OPCML: variants seen among roughly 807,000 people sequenced by gnomAD.
OPCML encodes opioid-binding protein/cell adhesion molecule.
Under a neutral mutation model 37.8 loss-of-function variants are expected in OPCML, and 13 were observed. That is an observed-to-expected ratio of 0.34 (90% CI 0.22 to 0.55). The LOEUF (loss-of-function observed/expected upper bound fraction) is 0.55. OPCML is among the 20% of genes least tolerant of loss of function. OPCML has a pLI of 0.91. For missense variants in OPCML, 341 were observed against 435.6 expected (o/e 0.78, Z 1.93); for synonymous variants, 176 against 168.8 (o/e 1.04, Z -0.33).
chr11:132,603,945 T>A (rs760773549), intron 3 of OPCML, among the ~76,000 whole-genome samples: 2 of 152,170 alleles, frequency 1.3e-5, no homozygotes, highest in Non-Finnish European at 2.9e-5. Context: ...ACTTTACGGA[T>A]ACTTTATGCT....
At chr11:132,579,603 C>T (rs1260374240) in intron 3 of OPCML, among the ~76,000 whole-genome samples, 5 of 152,096 alleles carry the variant, frequency 3.3e-5, no homozygotes, top group Admixed American at 3.3e-4. Flanking sequence ...AGGGAGAGAG[C>T]ACCCTCCTAT....
At chr11:132,702,072 TTATAC>T (rs1367705827) in intron 2 of OPCML, among the ~76,000 whole-genome samples, 1 of 152,170 alleles carries the variant, frequency 6.6e-6, no homozygotes, top group African/African-American at 2.4e-5. Context: ...CTCTGAACTA[TTATAC>T]TAGAGTTAAA....
Position 132,654,114 on chromosome 11 carries a change from C to T in OPCML, c.379+2973G>A, listed in dbSNP as rs182478749. Among the ~76,000 whole-genome samples, 190 of 152,318 alleles carry T rather than the reference C, an allele frequency of 1.2e-3. 2 individuals are homozygous for T. Among genetic ancestry groups the T allele is most frequent in the Middle Eastern group, 0.01 (3 of 294 alleles). ...TCTATAGACTGGACAAAAGCTGATG[C>T]TGCTGGGAGAAGAACTCTGGGGCTT... On this transcript the variant is annotated intron_variant, in intron 3 of 7. Coordinates refer to ENST00000524381, the MANE Select transcript of OPCML (RefSeq NM_001012393.5).
intron 2 of OPCML, among the ~76,000 whole-genome samples, chr11:132,660,827 G>T (rs1941943469): frequency 6.6e-6 from 1 of 152,154 alleles, no homozygotes; most frequent in South Asian, 2.1e-4. Context: ...GACAAAGAAA[G>T]CCAAAGAAGT....
At chr11:133,381,412 A>T (rs547279488) in intron 1 of OPCML, among the ~76,000 whole-genome samples, 1 of 152,342 alleles carries the variant, frequency 6.6e-6, no homozygotes, top group Admixed American at 6.5e-5. Context: ...AGAAAGAAAA[A>T]TTCAGCTTGG....
rs537226362 is a variant in OPCML, at chr11:132,901,555, T to C, written c.146+41371A>G. On this transcript the variant is annotated intron_variant, in intron 2 of 7. Coordinates refer to ENST00000524381, the MANE Select transcript of OPCML (RefSeq NM_001012393.5). Reference sequence around the variant, plus strand: ...CACAGACGATGACATGGAGGCAGGATGTGATGTACAATTAGCTATGGCTCA... The same window carrying C: ...CACAGACGATGACATGGAGGCAGGACGTGATGTACAATTAGCTATGGCTCA... Among the ~76,000 whole-genome samples, 10 of 152,308 alleles carry C rather than the reference T, an allele frequency of 6.6e-5. No homozygotes were observed. The South Asian group carries it at 2.1e-3, about 32-fold the overall frequency.
chr11:132,426,263 G>T (rs1461639953), intron 7 of OPCML, among the ~76,000 whole-genome samples: 2 of 152,168 alleles, frequency 1.3e-5, no homozygotes, highest in South Asian at 4.2e-4. Flanking sequence ...ATGACAAAGG[G>T]ATCCATTTGT....
intron 1 of OPCML, among the ~76,000 whole-genome samples, chr11:133,264,176 T>C (rs143723665): frequency 6.6e-4 from 100 of 152,078 alleles, no homozygotes; most frequent in African/African-American, 2.4e-3. Flanking sequence ...ACAAGAAGAA[T>C]AAGAATAAAG....
chr11:132,584,385 G>A (rs996735896), intron 3 of OPCML, among the ~76,000 whole-genome samples: 1 of 151,874 alleles, frequency 6.6e-6, no homozygotes, highest in African/African-American at 2.4e-5. Flanking sequence ...AACAGTAGAG[G>A]GATATTTTAA....
intron 4 of OPCML, among the ~76,000 whole-genome samples, chr11:132,470,321 G>C (rs1386841179): frequency 6.6e-6 from 1 of 152,050 alleles, no homozygotes; most frequent in African/African-American, 2.4e-5. Context: ...CTTCCTACTA[G>C]ATCAGCTATT....
At chr11:132,757,485 T>C (rs572490319) in intron 2 of OPCML, among the ~76,000 whole-genome samples, 4 of 152,354 alleles carry the variant, frequency 2.6e-5, no homozygotes, top group Middle Eastern at 6.8e-3. Context: ...TTTTTAATGA[T>C]TGCCATTCTA....
intron 3 of OPCML, among the ~76,000 whole-genome samples, chr11:132,582,534 T>TACTACACATAGAAGGCA (rs2096464261): frequency 6.6e-6 from 1 of 152,142 alleles, no homozygotes; most frequent in Non-Finnish European, 1.5e-5. Context: ...AGGCAGTCAA[T>TACTACACATAGAAGGCA]GATAACCTAT....
intron 2 of OPCML, among the ~76,000 whole-genome samples, chr11:132,878,980 C>A (rs971547787): frequency 7.2e-5 from 11 of 152,166 alleles, no homozygotes; most frequent in Admixed American, 6.5e-4. Flanking sequence ...AATTGAGTAG[C>A]CCATGCACCA....
At chr11:133,329,425 T>C (rs895963683) in intron 1 of OPCML, among the ~76,000 whole-genome samples, 3 of 152,160 alleles carry the variant, frequency 2.0e-5, no homozygotes, top group African/African-American at 7.2e-5. Context: ...GCTACCTGAC[T>C]TCAAACTATA....
At chr11:132,662,132 G>T (rs1404834853) in intron 2 of OPCML, among the ~76,000 whole-genome samples, 1 of 152,134 alleles carries the variant, frequency 6.6e-6, no homozygotes, top group Non-Finnish European at 1.5e-5. Context: ...TAAAGCAGTG[G>T]TTTTCAACCT....
At chr11:133,062,381 G>C (rs775493863) in intron 1 of OPCML, among the ~76,000 whole-genome samples, 1 of 152,240 alleles carries the variant, frequency 6.6e-6, no homozygotes, top group East Asian at 1.9e-4. Flanking sequence ...GTGTCTTCTC[G>C]AGCCTTTTCT....
At chr11:133,048,533 T>A (rs1449518014) in intron 1 of OPCML, among the ~76,000 whole-genome samples, 1 of 152,226 alleles carries the variant, frequency 6.6e-6, no homozygotes, top group East Asian at 1.9e-4. Flanking sequence ...CTCAGTGTAT[T>A]GCAGGTTAAT....
At chr11:133,000,485 A>G (rs1946978081) in intron 1 of OPCML, among the ~76,000 whole-genome samples, 1 of 152,190 alleles carries the variant, frequency 6.6e-6, no homozygotes, top group Non-Finnish European at 1.5e-5. Context: ...TGACCAAGCC[A>G]AGTACTTAGT....
chr11:132,858,073 G>A (rs908876026), intron 2 of OPCML, among the ~76,000 whole-genome samples: 3 of 152,158 alleles, frequency 2.0e-5, no homozygotes, highest in African/African-American at 7.2e-5. Flanking sequence ...TTTCTCACTG[G>A]CACATACATG....
Sources: allele counts gnomAD v4.1 joint callset (sites outside exome capture counted in the v4.1 genomes callset), GRCh38; gene constraint gnomAD v4.1.1; transcripts MANE v1.5; gene names NCBI Gene and HGNC (gene_info 2026-07-23, HGNC 2026-07-21).